The following ENPP1 variants were observed in gnomAD, a reference collection of about 807,000 sequenced individuals.
ENPP1 encodes ectonucleotide pyrophosphatase/phosphodiesterase family member 1.
In ENPP1, 73 loss-of-function variants were observed where a neutral mutation model predicts 122.8. The ratio of observed to expected loss-of-function variants is 0.59; its 90% confidence interval spans 0.49 to 0.72. The LOEUF is 0.72. Among genes scored for constraint, ENPP1 ranks in the 30% least tolerant of loss-of-function variants. ENPP1 has a pLI of 0.00. For synonymous variants in ENPP1, 367 were observed against 391.6 expected (o/e 0.94, Z 0.74); for missense variants, 978 against 1,128.1 (o/e 0.87, Z 1.91).
At position 131,882,364 on chromosome 6, in the gene ENPP1, A is replaced by C. The variant is rs1227061955; in HGVS notation, c.2120A>C (p.Asp707Ala). ...CTTCAGGACAGTTTCTCTACGGAAG[A>C]CTTCTCCAACTGTCTGTACCAGGAC... The part of the protein sequence containing the change: ...VDRNDSFSTE[D>A]FSNCLYQDFR... The change falls in exon 21 of 25, where the codon GAC becomes GCC. Residue 707 changes from aspartate to alanine, a missense_variant. Asp to Ala is a moderately radical substitution (Grantham distance 126). Around this residue, in one of 3 missense-constraint regions of ENPP1, gnomAD observed 644 missense variants for 781.5 expected, o/e 0.82. Coordinates refer to ENST00000647893, the MANE Select transcript of ENPP1 (RefSeq NM_006208.3). The C allele has an allele frequency of 6.2e-7, 1 of 1,603,910 alleles. No homozygotes were observed. Among genetic ancestry groups the C allele is most frequent in the Non-Finnish European group, 8.5e-7 (1 of 1,173,562 alleles).
Position 131,864,535 on chromosome 6 carries a change from C to T in ENPP1, c.1055C>T (p.Ala352Val), listed in dbSNP as rs1279605636. 2 of 1,610,226 alleles carry T rather than the reference C, an allele frequency of 1.2e-6. No individual in the cohort carries two copies. Among genetic ancestry groups the T allele is most frequent in the East Asian group, 2.2e-5 (1 of 44,756 alleles). The change falls in exon 10 of 25, where the codon GCT becomes GTT. Residue 352 changes from alanine to valine, a missense_variant. This residue lies in a region of ENPP1 where 644 missense variants were observed against 781.5 expected (regional missense o/e 0.82). Coordinates refer to ENST00000647893, the MANE Select transcript of ENPP1 (RefSeq NM_006208.3). ...GSVPFEERIL[A>V]VLQWLQLPKD... ...GTACCATTTGAAGAAAGGATTTTAG[C>T]TGTTCTTCAGTGGCTACAGCTTCCT...
At chr6:131,808,842 T>C (rs1781314936) in intron 1 of ENPP1, among the ~76,000 whole-genome samples, 1 of 152,212 alleles carries the variant, frequency 6.6e-6, no homozygotes. Context: ...AAGAAACCTT[T>C]ATGATTCTTT....
At chr6:131,864,686 A>C in intron 10 of ENPP1, 115 bp downstream of exon 10, 1 of 851,534 alleles carries the variant, frequency 1.2e-6, no homozygotes, top group Non-Finnish European at 1.9e-6. Context: ...ATATCGAAAT[A>C]AATTCTTTAG....
intron 24 of ENPP1, among the ~76,000 whole-genome samples, chr6:131,889,277 T>G (rs1782430352): frequency 1.3e-5 from 2 of 152,198 alleles, no homozygotes; most frequent in Non-Finnish European, 2.9e-5. Context: ...GCAGGTTTGT[T>G]GCATAGGTAA....
intron 6 of ENPP1, among the ~76,000 whole-genome samples, chr6:131,855,638 T>A (rs978881668): frequency 5.3e-5 from 8 of 152,312 alleles, no homozygotes; most frequent in African/African-American, 1.9e-4. Context: ...ATTTTACAGA[T>A]ATTTTATTTC....
At chr6:131,813,387 G>A (rs1170814563) in intron 1 of ENPP1, among the ~76,000 whole-genome samples, 1 of 152,004 alleles carries the variant, frequency 6.6e-6, no homozygotes, top group East Asian at 1.9e-4. Context: ...AAAATTAGCA[G>A]GGCATGGTAG....
chr6:131,842,566 G>C (rs1222706405), intron 1 of ENPP1, among the ~76,000 whole-genome samples: 2 of 152,260 alleles, frequency 1.3e-5, no homozygotes, highest in East Asian at 3.9e-4. Flanking sequence ...CTGACAGAGG[G>C]AGAGGTCCCT....
intron 1 of ENPP1, among the ~76,000 whole-genome samples, chr6:131,812,976 A>G (rs1196652072): frequency 3.3e-5 from 5 of 152,014 alleles, no homozygotes; most frequent in African/African-American, 9.7e-5. Flanking sequence ...AGTAGCTGGG[A>G]TTACAGGCAC....
intron 1 of ENPP1, among the ~76,000 whole-genome samples, chr6:131,833,986 G>A (rs1044000764): frequency 1.3e-5 from 2 of 152,214 alleles, no homozygotes; most frequent in Non-Finnish European, 2.9e-5. Flanking sequence ...CTGTGCAGTT[G>A]AGGTGTTTTC....
intron 1 of ENPP1, chr6:131,819,847 G>T: frequency 4.6e-6 from 2 of 431,408 alleles, no homozygotes; most frequent in Admixed American, 3.4e-5. Flanking sequence ...CTGGGGCCAC[G>T]CAAATGATTG....
chr6:131,817,555 T>C (rs932538178), intron 1 of ENPP1, among the ~76,000 whole-genome samples: 2 of 152,158 alleles, frequency 1.3e-5, no homozygotes, highest in Non-Finnish European at 2.9e-5. Context: ...TTTTGAAATG[T>C]AGTAGAATAG....
In ENPP1 at chr6:131,842,235, C is replaced by T. The variant is rs143947162; in HGVS notation, c.241-5541C>T. Among the ~76,000 whole-genome samples, 10 of 152,286 alleles carry T rather than the reference C, an allele frequency of 6.6e-5. No individual in the cohort carries two copies. The East Asian group carries it at 7.7e-4, about 12-fold the overall frequency. ...AAAACTCTTAGAAAAGTGCCCGGCACGTAGGAATTACTAGAGAAGTGACAG... is the reference window on the plus strand; with the variant it reads ...AAAACTCTTAGAAAAGTGCCCGGCATGTAGGAATTACTAGAGAAGTGACAG... On this transcript the variant is annotated intron_variant, in intron 1 of 24. Coordinates refer to ENST00000647893, the MANE Select transcript of ENPP1 (RefSeq NM_006208.3).
intron 1 of ENPP1, among the ~76,000 whole-genome samples, chr6:131,816,711 T>G (rs1166861443): frequency 6.6e-6 from 1 of 152,230 alleles, no homozygotes; most frequent in Non-Finnish European, 1.5e-5. Flanking sequence ...TTTTTTACTT[T>G]TAGTTTTTAG....
At chr6:131,822,304 A>G (rs1429695379) in intron 1 of ENPP1, among the ~76,000 whole-genome samples, 2 of 152,212 alleles carry the variant, frequency 1.3e-5, no homozygotes, top group Non-Finnish European at 2.9e-5. Context: ...AAGGGTCTAA[A>G]CGGGAATCAC....
chr6:131,864,456 A>G (rs1265517880), intron 9 of ENPP1, 50 bp from the exon 10 acceptor site: 1 of 1,204,804 alleles, frequency 8.3e-7, no homozygotes, highest in South Asian at 1.2e-5. Flanking sequence ...TATATTTTAC[A>G]CCCAAACAAT....
At chr6:131,854,506 A>G (rs149735764) in intron 5 of ENPP1, among the ~76,000 whole-genome samples, 1 of 152,294 alleles carries the variant, frequency 6.6e-6, no homozygotes, top group East Asian at 1.9e-4. Flanking sequence ...TCCATATCAG[A>G]AAGTGGTGGT....
At position 131,878,741 on chromosome 6, in the gene ENPP1, G is replaced by A; in HGVS notation, c.1945+148G>A. ...GAGGACCACCTGATGAAACATAGAG[G>A]TTTCTTTGCTTGACAGTTTAGACTA... On this transcript the variant is annotated intron_variant, in intron 19 of 24. Coordinates refer to ENST00000647893, the MANE Select transcript of ENPP1 (RefSeq NM_006208.3). 2.0e-5 allele frequency: 14 copies of A among 712,050 alleles called. 1 individual carries two copies. In the South Asian group the frequency reaches 2.1e-4, roughly 11 times the overall value. 44.1% of individuals were successfully genotyped at this position (712,050 alleles called of 1,614,324 possible). A position where few individuals can be genotyped will look rare whatever the true frequency, so the allele number is the denominator to read the frequency against.
At chr6:131,815,704 CTTT>C (rs547064410) in intron 1 of ENPP1, among the ~76,000 whole-genome samples, 1 of 140,734 alleles carries the variant, frequency 7.1e-6, no homozygotes. Context: ...ATCTATCAGC[CTTT>C]TTTTTTTTTT....
At chr6:131,816,600 A>C (rs993721663) in intron 1 of ENPP1, among the ~76,000 whole-genome samples, 1 of 152,232 alleles carries the variant, frequency 6.6e-6, no homozygotes, top group Non-Finnish European at 1.5e-5. Flanking sequence ...ATGTTCAGTT[A>C]AATATTAACG....
Sources: gnomAD v4.1 joint callset for allele counts (sites outside exome capture counted in the v4.1 genomes callset) on GRCh38, gnomAD v4.1.1 for gene constraint, gnomAD v4.1.1 regional missense constraint, MANE v1.5 for transcripts, NCBI Gene and HGNC (gene_info 2026-07-23, HGNC 2026-07-21) for gene names.